Variants in RBMS3 observed in about 807,000 individuals in gnomAD.
RBMS3 encodes the protein RNA-binding motif, single-stranded-interacting protein 3.
Under a neutral mutation model 66.8 loss-of-function variants are expected in RBMS3, and 27 were observed. The observed-to-expected ratio is 0.40, with a 90% CI of 0.30 to 0.56. The LOEUF (loss-of-function observed/expected upper bound fraction) is 0.56, where lower values mean the gene tolerates loss of function less well. Ranked by LOEUF, RBMS3 falls within the 20% of genes least tolerant of loss-of-function variation. The probability of loss-of-function intolerance (pLI) is 0.40; values close to 1 mark genes in which losing one functional copy is unlikely to be tolerated. For missense variants in RBMS3, 513 were observed against 549.5 expected, an observed-to-expected ratio of 0.93 and a Z score of 0.66; for synonymous variants, 188 against 183.0, an observed-to-expected ratio of 1.03 and a Z score of -0.22.
chr3:29,540,781 A>T (rs753793310), intron 3 of RBMS3, among the ~76,000 whole-genome samples: 4 of 152,124 alleles, frequency 2.6e-5, no homozygotes, highest in Non-Finnish European at 5.9e-5. Flanking sequence ...ACACAGGCCT[A>T]TGGGTTTCGG....
intron 6 of RBMS3, among the ~76,000 whole-genome samples, chr3:29,782,602 G>C (rs577403489): frequency 6.6e-6 from 1 of 152,182 alleles, no homozygotes; most frequent in African/African-American, 2.4e-5. Context: ...AAACAATTTT[G>C]GTAATATGAC....
At chr3:29,442,427 G>T (rs1006841647) in intron 2 of RBMS3, among the ~76,000 whole-genome samples, 1 of 151,968 alleles carries the variant, frequency 6.6e-6, no homozygotes, top group African/African-American at 2.4e-5. Flanking sequence ...CCTGATAGCC[G>T]ATGATATTTT....
chr3:29,637,863 A>G (rs1388248241), intron 4 of RBMS3, among the ~76,000 whole-genome samples: 1 of 151,790 alleles, frequency 6.6e-6, no homozygotes, highest in Non-Finnish European at 1.5e-5. Flanking sequence ...GCCTGACAAC[A>G]CTCAAATTAT....
chr3:29,744,312 A>C (rs1001084959), intron 5 of RBMS3, among the ~76,000 whole-genome samples: 2 of 152,272 alleles, frequency 1.3e-5, no homozygotes, highest in Middle Eastern at 3.4e-3. Flanking sequence ...AATCACTTTA[A>C]GGTTTTGGGT....
intron 4 of RBMS3, among the ~76,000 whole-genome samples, chr3:29,674,300 C>G (rs929374912): frequency 2.6e-5 from 4 of 152,110 alleles, no homozygotes; most frequent in African/African-American, 9.7e-5. Flanking sequence ...CAATATTATA[C>G]TAAATGGGCA....
intron 1 of RBMS3, among the ~76,000 whole-genome samples, chr3:29,398,185 T>G (rs2039642989): frequency 6.6e-6 from 1 of 152,206 alleles, no homozygotes; most frequent in Non-Finnish European, 1.5e-5. Context: ...ATGAGATGAA[T>G]TCAGAGGACA....
rs2041278057 is a variant in RBMS3, at chr3:29,433,319, C to T, written c.76-1424C>T. Among the ~76,000 whole-genome samples, 3 of 152,086 alleles carry T rather than the reference C, an allele frequency of 2.0e-5. No homozygotes were observed. The East Asian group carries it at 5.8e-4, about 29-fold the overall frequency. ...AAAATAGCTAAAGACTCTTCATCTT[C>T]AGATGAGAACCCAGCCCAAAGTTTC... is the stretch of plus-strand genomic sequence containing the variant. On this transcript the variant is annotated intron_variant, in intron 1 of 14. Transcript: ENST00000383767.
chr3:29,968,919 G>C (rs1697045278), intron 12 of RBMS3, among the ~76,000 whole-genome samples: 1 of 152,056 alleles, frequency 6.6e-6, no homozygotes, highest in African/African-American at 2.4e-5. Flanking sequence ...TTCACACGCT[G>C]TGATGGATAT....
intron 4 of RBMS3, among the ~76,000 whole-genome samples, chr3:29,601,940 C>T (rs1390503786): frequency 6.6e-6 from 1 of 151,992 alleles, no homozygotes; most frequent in Non-Finnish European, 1.5e-5. Context: ...ATTCCTTCCC[C>T]ACCTTGGGAA....
At chr3:29,663,072 G>T (rs35406475) in intron 4 of RBMS3, among the ~76,000 whole-genome samples, 48,024 of 151,366 alleles carry the variant, frequency 0.32, 7,666 homozygotes, top group Middle Eastern at 0.39. Flanking sequence ...TGTTTGTTTG[G>T]TTGGTTGGTT....
At chr3:29,991,017 G>GCCTATCTAGAGAGGGCCCTT in intron 13 of RBMS3, 65 bp from the exon 14 acceptor site, 1 of 1,515,916 alleles carries the variant, frequency 6.6e-7, no homozygotes. Flanking sequence ...GGTACTTACA[G>GCCTATCTAGAGAGGGCCCTT]CCTATCTAGA....
chr3:29,405,267 G>A (rs4680825), intron 1 of RBMS3, among the ~76,000 whole-genome samples: 10,872 of 152,212 alleles, frequency 0.071, 651 homozygotes, highest in East Asian at 0.29. Context: ...GACAGATCCT[G>A]CATATCGTTT....
At chr3:29,592,658 G>A (rs1370322029) in intron 4 of RBMS3, among the ~76,000 whole-genome samples, 2 of 152,076 alleles carry the variant, frequency 1.3e-5, no homozygotes, top group South Asian at 2.1e-4. Flanking sequence ...CCATTACTGG[G>A]TATATACCCA....
In RBMS3 at chr3:29,941,228, A is replaced by T. The variant is rs147581643; in HGVS notation, c.1051-2979A>T. Among the ~76,000 whole-genome samples the T allele has an allele frequency of 2.8e-4, 43 of 151,948 alleles. No individual in the cohort carries two copies. The East Asian group carries it at 7.2e-3, about 25-fold the overall frequency. On this transcript the variant is annotated intron_variant, in intron 11 of 14. Transcript: ENST00000383767. ...GTAATTGTACTCCATTTGTCCCCAC[A>T]GTTCTCTAGCATTTTTCAGTCACAC...
intron 2 of RBMS3, among the ~76,000 whole-genome samples, chr3:29,450,509 A>C (rs1476479138): frequency 6.6e-6 from 1 of 152,206 alleles, no homozygotes; most frequent in African/African-American, 2.4e-5. Flanking sequence ...TGTCTTTTCA[A>C]GCACACCATT....
intron 8 of RBMS3, among the ~76,000 whole-genome samples, chr3:29,896,154 T>C (rs2060119498): frequency 6.6e-6 from 1 of 151,474 alleles, no homozygotes; most frequent in Admixed American, 6.6e-5. Context: ...TAAGACTATA[T>C]TTTTGCTTGA....
At chr3:29,806,709 T>C (rs930100764) in intron 6 of RBMS3, among the ~76,000 whole-genome samples, 1 of 151,978 alleles carries the variant, frequency 6.6e-6, no homozygotes, top group African/African-American at 2.4e-5. Context: ...TTATAATTAT[T>C]ACAAGGTGAT....
At chr3:29,587,235 T>TG in intron 4 of RBMS3, 30 bp downstream of exon 4, 1 of 750,114 alleles carries the variant, frequency 1.3e-6, no homozygotes, top group Non-Finnish European at 1.8e-6. Context: ...GTGTTTTTTT[T>TG]TTTTTTTTTT....
chr3:29,391,623 T>C (rs1286960567), intron 1 of RBMS3, among the ~76,000 whole-genome samples: 1 of 152,184 alleles, frequency 6.6e-6, no homozygotes, highest in Non-Finnish European at 1.5e-5. Flanking sequence ...TATTTAAATC[T>C]GACATCAGGC....
Sources: gnomAD v4.1 joint callset for allele counts (sites outside exome capture counted in the v4.1 genomes callset) on GRCh38, gnomAD v4.1.1 for gene constraint, MANE v1.5 for transcripts, NCBI Gene and HGNC (gene_info 2026-07-23, HGNC 2026-07-21) for gene names.